The following ADGRG4 variants were observed in gnomAD, a reference collection of about 807,000 sequenced individuals.
ADGRG4 encodes adhesion G protein-coupled receptor G4.
ADGRG4 carries 122 observed loss-of-function variants against 126.2 expected under a neutral mutation model. That is an observed-to-expected ratio of 0.97 (90% CI 0.83 to 1.12). The LOEUF is 1.12. ADGRG4 is among the 50% of genes most tolerant of loss of function. The pLI, the probability that ADGRG4 is intolerant of heterozygous loss-of-function variation, is 0.00. For missense variants in ADGRG4, 2,481 were observed against 2,251.8 expected, an observed-to-expected ratio of 1.10 and a Z score of -2.06; for synonymous variants, 943 against 838.7, an observed-to-expected ratio of 1.12 and a Z score of -2.15.
chrX:136,319,629 C>T (rs1264086066), intron 4 of ADGRG4, among the ~76,000 whole-genome samples: 1 of 111,153 alleles, frequency 9.0e-6, no homozygotes, highest in African/African-American at 3.3e-5. Flanking sequence ...CTTCACTATA[C>T]CACATTTCTG....
intron 5 of ADGRG4, among the ~76,000 whole-genome samples, chrX:136,333,240 A>G (rs766643569): frequency 9.0e-6 from 1 of 111,341 alleles, no homozygotes; most frequent in Admixed American, 9.5e-5. Flanking sequence ...AAAATCCTAG[A>G]AGAAAACCTA....
intron 14 of ADGRG4, 134 bp from the exon 15 acceptor site, chrX:136,372,768 T>A: frequency 3.3e-6 from 2 of 601,642 alleles, no homozygotes; most frequent in Non-Finnish European, 2.6e-6. Context: ...GTGCTCTTAT[T>A]TAATAATTCC....
In ADGRG4 at chrX:136,348,942, G is replaced by A; in HGVS notation, c.5236G>A (p.Val1746Ile). 2.5e-6 allele frequency: 3 copies of A among 1,208,585 alleles called. No homozygotes were observed. Among genetic ancestry groups the A allele is most frequent in the Non-Finnish European group, 3.4e-6 (3 of 893,423 alleles). ...ALTDTYSRIT[V>I]PENMLSPTHA... ...CACAGATACTTATTCCAGAATCACT[G>A]TTCCTGAAAATATGCTTTCACCTAC... is the stretch of plus-strand genomic sequence containing the variant. Residue 1746 changes from valine to isoleucine, a missense_variant, in exon 6 of 26, where the codon GTT becomes ATT. Coordinates refer to ENST00000394143, the MANE Select transcript of ADGRG4 (RefSeq NM_153834.4).
At chrX:136,326,359 T>A (rs28569142) in intron 5 of ADGRG4, among the ~76,000 whole-genome samples, 1 of 112,170 alleles carries the variant, frequency 8.9e-6, no homozygotes, top group Non-Finnish European at 1.9e-5. Context: ...GTTCTTACCG[T>A]GTGCCAGGCA....
At position 136,348,190 on chromosome X, in the gene ADGRG4, C is replaced by T. The variant is rs746143709; in HGVS notation, c.4484C>T (p.Pro1495Leu). The T allele has an allele frequency of 1.7e-6, 2 of 1,207,763 alleles. No individual in the cohort carries two copies. Among genetic ancestry groups the T allele is most frequent in the Non-Finnish European group, 2.2e-6 (2 of 892,155 alleles). The part of the protein sequence containing the change: ...ITTAFSVPNV[P>L]TMLPRESSMA... ...ACAGCCTTTTCTGTTCCAAATGTAC[C>T]TACAATGCTTCCTAGAGAATCCTCT... Residue 1495 changes from proline to leucine, a missense_variant, in exon 6 of 26, where the codon CCT becomes CTT. Pro to Leu is a moderately conservative substitution (Grantham distance 98, BLOSUM62 -3). Transcript: ENST00000394143.
intron 5 of ADGRG4, among the ~76,000 whole-genome samples, chrX:136,338,555 C>T (rs944071241): frequency 5.4e-5 from 6 of 111,968 alleles, no homozygotes; most frequent in African/African-American, 1.9e-4. Context: ...AACCCATCAC[C>T]TTGATTCTTT....
At chrX:136,358,274 C>G (rs934752147) in intron 10 of ADGRG4, among the ~76,000 whole-genome samples, 1 of 110,510 alleles carries the variant, frequency 9.0e-6, no homozygotes, top group Non-Finnish European at 1.9e-5. Context: ...GACTCCTCTT[C>G]GGACTGGAAA....
intron 12 of ADGRG4, 105 bp downstream of exon 12, chrX:136,361,692 C>A: frequency 2.0e-6 from 1 of 506,352 alleles, no homozygotes; most frequent in Non-Finnish European, 3.0e-6. Flanking sequence ...CTTCCTCCAC[C>A]TCTAGTGCCA....
At chrX:136,365,740 T>A (rs1230335149) in intron 13 of ADGRG4, among the ~76,000 whole-genome samples, 1 of 112,436 alleles carries the variant, frequency 8.9e-6, no homozygotes, top group African/African-American at 3.2e-5. Context: ...TTATTACTAT[T>A]GTCTGTCTTT....
intron 5 of ADGRG4, among the ~76,000 whole-genome samples, chrX:136,339,669 T>C (rs768427989): frequency 2.5e-4 from 28 of 112,572 alleles, no homozygotes; most frequent in Non-Finnish European, 4.9e-4. Context: ...ATGTTGTTCC[T>C]TTACTCTTGG....
intron 16 of ADGRG4, among the ~76,000 whole-genome samples, chrX:136,390,867 T>C (rs1387560649): frequency 9.0e-6 from 1 of 110,749 alleles, no homozygotes; most frequent in Non-Finnish European, 1.9e-5. Flanking sequence ...AAATAACATC[T>C]AGTCTGCCAT....
chrX:136,309,726 G>T (rs1202732674), intron 4 of ADGRG4, among the ~76,000 whole-genome samples: 1 of 111,582 alleles, frequency 9.0e-6, no homozygotes, highest in Non-Finnish European at 1.9e-5. Flanking sequence ...TTGAAATGGG[G>T]CCTACGGGGT....
rs2075014222 is a variant in ADGRG4, at chrX:136,346,006, C to T, written c.2300C>T (p.Ser767Phe). The change falls in exon 6 of 26, where the codon TCT becomes TTT. Residue 767 changes from serine (S) to phenylalanine (F), a missense_variant. By Grantham distance (155) the Ser-to-Phe change is radical (BLOSUM62 -2). Transcript: ENST00000394143. ...TTACTACTAAAAACAATACCTATGT[C>T]TACAAAACCTGCAAATGAACTTCCT... ...TTLLLKTIPM[S>F]TKPANELPLT... is the part of the protein sequence containing the mutation. 1 of 1,204,656 alleles carries T rather than the reference C, an allele frequency of 8.3e-7. No homozygotes were observed. Among genetic ancestry groups the T allele is most frequent in the African/African-American group, 1.8e-5 (1 of 56,983 alleles).
At chrX:136,335,137 G>T (rs2074941196) in intron 5 of ADGRG4, among the ~76,000 whole-genome samples, 1 of 111,060 alleles carries the variant, frequency 9.0e-6, no homozygotes, top group Non-Finnish European at 1.9e-5. Flanking sequence ...TGGATCAGTT[G>T]ATATAATTTT....
intron 6 of ADGRG4, 54 bp downstream of exon 6, chrX:136,350,487 G>T: frequency 9.1e-7 from 1 of 1,103,228 alleles, no homozygotes; most frequent in Non-Finnish European, 1.2e-6. Context: ...TGCACTATGG[G>T]TCATGTGTTC....
intron 16 of ADGRG4, among the ~76,000 whole-genome samples, chrX:136,389,398 A>G (rs1215222833): frequency 8.9e-6 from 1 of 112,429 alleles, no homozygotes; most frequent in Non-Finnish European, 1.9e-5. Flanking sequence ...CTCGTAGAAT[A>G]AGAGATAAAC....
In ADGRG4 at chrX:136,357,691, T is replaced by A; in HGVS notation, c.6928-13T>A. 8.6e-7 allele frequency: 1 copy of A among 1,160,810 alleles called. No individual in the cohort carries two copies. Among genetic ancestry groups the A allele is most frequent in the Non-Finnish European group, 1.2e-6 (1 of 851,414 alleles). ...AAAGATTTCAGTGACTATGTACTTT[T>A]CTTTTGCATTAGTTGGAACAGAGAG... On this transcript the variant is annotated splice_polypyrimidine_tract_variant and intron_variant, in intron 9 of 25. Transcript: ENST00000394143.
chrX:136,367,387 G>C (rs145122070), intron 13 of ADGRG4, among the ~76,000 whole-genome samples: 46 of 112,517 alleles, frequency 4.1e-4, no homozygotes, highest in African/African-American at 1.5e-3. Context: ...GAAGTGAGTG[G>C]GCGGAAAGTT....
intron 15 of ADGRG4, among the ~76,000 whole-genome samples, chrX:136,377,997 G>A (rs748548813): frequency 9.0e-6 from 1 of 111,053 alleles, no homozygotes; most frequent in South Asian, 3.8e-4. Context: ...TTTCAAATCT[G>A]CTGATCAATT....
Sources: allele counts gnomAD v4.1 joint callset (sites outside exome capture counted in the v4.1 genomes callset), GRCh38; gene constraint gnomAD v4.1.1; transcripts MANE v1.5; gene names NCBI Gene and HGNC (gene_info 2026-07-23, HGNC 2026-07-21).